Variants in MNAT1 observed in about 807,000 individuals in gnomAD.
MNAT1 encodes the protein MNAT1 component of CDK activating kinase.
Under a neutral mutation model 42.0 loss-of-function variants are expected in MNAT1, and 43 were observed. That is an observed-to-expected ratio of 1.02 (90% CI 0.80 to 1.32). The LOEUF is 1.32. MNAT1 is among the 40% of genes most tolerant of loss of function. MNAT1 has a pLI of 0.00. For synonymous variants in MNAT1, 118 were observed against 120.0 expected (o/e 0.98, Z 0.11); for missense variants, 306 against 350.4 (o/e 0.87, Z 1.01).
intron 1 of MNAT1, among the ~76,000 whole-genome samples, chr14:60,736,725 A>G (rs544140137): frequency 1.2e-4 from 18 of 152,312 alleles, no homozygotes; most frequent in African/African-American, 3.8e-4. Flanking sequence ...GGAAATGACT[A>G]ACTCTTTGTT....
intron 1 of MNAT1, among the ~76,000 whole-genome samples, chr14:60,754,390 G>A (rs2030240816): frequency 7.0e-6 from 1 of 142,542 alleles, no homozygotes; most frequent in Admixed American, 7.2e-5. Flanking sequence ...CGCCCAAGCT[G>A]GAGTTGGAGT....
intron 7 of MNAT1, among the ~76,000 whole-genome samples, chr14:60,905,669 G>T (rs1309014331): frequency 1.3e-5 from 2 of 152,192 alleles, no homozygotes; most frequent in Non-Finnish European, 2.9e-5. Context: ...GAAAGTCATG[G>T]AGTATGAAGG....
rs749548863 is a variant in MNAT1 at position 60,965,513 on chromosome 14, T to C, written c.810-2716T>C. 1.1e-4 allele frequency among the ~76,000 whole-genome samples: 16 copies of C among 152,130 alleles called. 1 individual carries two copies. The highest frequency in any genetic ancestry group is 1.3e-4 in the Non-Finnish European group (9 of 68,020). On this transcript the variant is annotated intron_variant, in intron 7 of 7. Transcript: ENST00000261245. ...GTTTCAGGTTTCTCAGGATAACATATAAAAAGCTGTATGCACACTGCAAGT... is the reference window on the plus strand; with the variant it reads ...GTTTCAGGTTTCTCAGGATAACATACAAAAAGCTGTATGCACACTGCAAGT...
At chr14:60,908,893 G>C (rs775613169) in intron 7 of MNAT1, among the ~76,000 whole-genome samples, 6 of 152,120 alleles carry the variant, frequency 3.9e-5, no homozygotes, top group African/African-American at 1.4e-4. Context: ...CTGAGGAATC[G>C]CCATACCGAC....
intron 1 of MNAT1, among the ~76,000 whole-genome samples, chr14:60,754,641 G>A (rs1297228949): frequency 2.0e-5 from 3 of 152,070 alleles, no homozygotes; most frequent in Admixed American, 6.5e-5. Context: ...GAGCCACCGC[G>A]CCTGGCAATA....
chr14:60,877,822 TG>T (rs1246798399), intron 6 of MNAT1, among the ~76,000 whole-genome samples: 2 of 152,082 alleles, frequency 1.3e-5, no homozygotes. Context: ...GTAGGGTCTT[TG>T]TATTTTAGTT....
chr14:60,917,682 G>T (rs2035555344), intron 7 of MNAT1, among the ~76,000 whole-genome samples: 1 of 151,468 alleles, frequency 6.6e-6, no homozygotes, highest in African/African-American at 2.4e-5. Context: ...GAGTGGAGTG[G>T]CGTGATCTCG....
chr14:60,886,377 T>G (rs1269147546), intron 7 of MNAT1, among the ~76,000 whole-genome samples: 3 of 152,050 alleles, frequency 2.0e-5, no homozygotes, highest in Non-Finnish European at 4.4e-5. Context: ...CTTACGGACA[T>G]GGGATTTGTT....
At chr14:60,906,170 T>C (rs1285477722) in intron 7 of MNAT1, among the ~76,000 whole-genome samples, 1 of 151,746 alleles carries the variant, frequency 6.6e-6, no homozygotes, top group Admixed American at 6.6e-5. Context: ...GAGGAAGGAG[T>C]GCAGAATGTC....
chr14:60,885,187 C>G (rs1332488650), intron 7 of MNAT1, among the ~76,000 whole-genome samples: 1 of 151,670 alleles, frequency 6.6e-6, no homozygotes, highest in South Asian at 2.1e-4. Flanking sequence ...GCTTGGTGTT[C>G]TGTAACCTTC....
chr14:60,839,466 A>G (rs1313526830), intron 6 of MNAT1, among the ~76,000 whole-genome samples: 3 of 152,198 alleles, frequency 2.0e-5, no homozygotes. Flanking sequence ...CCAGTTGTCC[A>G]CATACCTCAT....
rs562113520 is a variant in MNAT1, at chr14:60,758,967, C to T, written c.89+24016C>T. On this transcript the variant is annotated intron_variant, in intron 1 of 7. Coordinates refer to ENST00000261245, the MANE Select transcript of MNAT1 (RefSeq NM_002431.4). ...TTTTAGGAAGACGCACCACGTTTTC[C>T]TCTGGCTTTATGTAATCCCTGACAC... Among the ~76,000 whole-genome samples, 3 of 152,130 alleles carry T rather than the reference C, an allele frequency of 2.0e-5. No homozygotes were observed. In the South Asian group the frequency reaches 6.2e-4, roughly 32 times the overall value.
intron 7 of MNAT1, among the ~76,000 whole-genome samples, chr14:60,940,003 T>C: frequency 6.6e-6 from 1 of 152,172 alleles, no homozygotes; most frequent in East Asian, 1.9e-4. Context: ...TCTTTGTCTC[T>C]CTTGATCTTT....
chr14:60,877,290 A>T (rs758581276), intron 6 of MNAT1, among the ~76,000 whole-genome samples: 1 of 151,990 alleles, frequency 6.6e-6, no homozygotes, highest in Non-Finnish European at 1.5e-5. Flanking sequence ...TTGGTGAAGT[A>T]CTTTTGACAT....
chr14:60,823,549 TTA>T (rs1162687113), intron 6 of MNAT1, among the ~76,000 whole-genome samples: 2 of 152,248 alleles, frequency 1.3e-5, no homozygotes, highest in African/African-American at 4.8e-5. Flanking sequence ...TCATTACCTT[TTA>T]TATCTAAGAA....
chr14:60,816,669 G>A (rs1271475797), intron 5 of MNAT1, among the ~76,000 whole-genome samples: 3 of 152,008 alleles, frequency 2.0e-5, no homozygotes, highest in Non-Finnish European at 4.4e-5. Flanking sequence ...TAACTTGAAA[G>A]GCTAAATCTG....
At chr14:60,929,576 T>G (rs2035842798) in intron 7 of MNAT1, among the ~76,000 whole-genome samples, 5 of 152,124 alleles carry the variant, frequency 3.3e-5, no homozygotes, top group Admixed American at 3.3e-4. Context: ...TTTAAAACCA[T>G]GTGTTTTGCC....
At chr14:60,904,610 A>C (rs1454525344) in intron 7 of MNAT1, among the ~76,000 whole-genome samples, 1 of 152,198 alleles carries the variant, frequency 6.6e-6, no homozygotes, top group African/African-American at 2.4e-5. Flanking sequence ...AATGCTCATG[A>C]GATTACAAGG....
At chr14:60,738,246 A>T (rs1394907591) in intron 1 of MNAT1, among the ~76,000 whole-genome samples, 2 of 131,680 alleles carry the variant, frequency 1.5e-5, no homozygotes, top group Non-Finnish European at 3.1e-5. Context: ...TAAGAAAAAC[A>T]TCTTGGATTT....
Sources: gnomAD v4.1 joint callset for allele counts (sites outside exome capture counted in the v4.1 genomes callset) on GRCh38, gnomAD v4.1.1 for gene constraint, MANE v1.5 for transcripts, NCBI Gene and HGNC (gene_info 2026-07-23, HGNC 2026-07-21) for gene names.